Variants in CNBD1 observed in about 807,000 individuals in gnomAD.
CNBD1 encodes cyclic nucleotide binding domain containing 1.
A neutral mutation model predicts 54.4 loss-of-function variants in CNBD1; 71 were observed. The observed-to-expected ratio is 1.30, with a 90% CI of 1.08 to 1.59. The LOEUF (loss-of-function observed/expected upper bound fraction) is 1.59. CNBD1 is among the 40% of genes most tolerant of loss of function. CNBD1 has a pLI of 0.00. For missense variants in CNBD1, 659 were observed against 518.0 expected (o/e 1.27, Z -2.64); for synonymous variants, 182 against 170.7 (o/e 1.07, Z -0.51).
intron 10 of CNBD1, among the ~76,000 whole-genome samples, chr8:87,370,981 G>C (rs1218392979): frequency 1.3e-5 from 2 of 150,706 alleles, no homozygotes; most frequent in Non-Finnish European, 3.0e-5. Context: ...TTATTAAATA[G>C]GGAATCCTTT....
chr8:86,944,982 A>C (rs1807432445), intron 4 of CNBD1, among the ~76,000 whole-genome samples: 3 of 152,194 alleles, frequency 2.0e-5, no homozygotes, highest in African/African-American at 7.2e-5. Flanking sequence ...AATCAGGTTC[A>C]TTGCTCAGTT....
chr8:87,065,971 C>T (rs955058974), intron 4 of CNBD1, among the ~76,000 whole-genome samples: 3 of 151,866 alleles, frequency 2.0e-5, no homozygotes, highest in Non-Finnish European at 2.9e-5. Context: ...CAGAGAAGTA[C>T]GGATGATTAG....
At chr8:87,409,836 A>G (rs1454890821) in intron 2 of CNBD1, among the ~76,000 whole-genome samples, 1 of 152,058 alleles carries the variant, frequency 6.6e-6, no homozygotes, top group African/African-American at 2.4e-5. Flanking sequence ...CAGCCTGTGC[A>G]ACACAGTGAA....
chr8:87,159,867 A>G (rs1339937239), intron 4 of CNBD1, among the ~76,000 whole-genome samples: 4 of 152,012 alleles, frequency 2.6e-5, no homozygotes, highest in East Asian at 1.9e-4. Context: ...AACTAATGAT[A>G]TAGTAGCATT....
intron 10 of CNBD1, among the ~76,000 whole-genome samples, chr8:87,380,848 A>C (rs1003982511): frequency 6.6e-6 from 1 of 152,116 alleles, no homozygotes; most frequent in Non-Finnish European, 1.5e-5. Context: ...TCCACATTCA[A>C]GAATAAAATT....
chr8:87,380,972 C>T (rs1204769844), intron 10 of CNBD1, among the ~76,000 whole-genome samples: 1 of 151,996 alleles, frequency 6.6e-6, no homozygotes, highest in Non-Finnish European at 1.5e-5. Flanking sequence ...AATATTTTCA[C>T]ATTTGTCTTG....
intron 6 of CNBD1, among the ~76,000 whole-genome samples, chr8:87,266,561 C>T (rs1397478597): frequency 2.9e-5 from 4 of 140,032 alleles, no homozygotes; most frequent in Non-Finnish European, 3.0e-5. Flanking sequence ...AATGGATTCT[C>T]CTGCTTCAGC....
intron 2 of CNBD1, among the ~76,000 whole-genome samples, chr8:87,395,493 G>T (rs113547956): frequency 0.012 from 1,825 of 151,672 alleles, 40 homozygotes; most frequent in African/African-American, 0.039. Flanking sequence ...CTACAATAAA[G>T]GTTTTAAAAA....
intron 3 of CNBD1, among the ~76,000 whole-genome samples, chr8:86,926,794 T>C (rs4255154): frequency 0.93 from 141,774 of 152,244 alleles, 66,121 homozygotes; most frequent in East Asian, 1. Flanking sequence ...TCATTTCCCA[T>C]AAACTGTATG....
intron 4 of CNBD1, among the ~76,000 whole-genome samples, chr8:87,038,757 G>T (rs537069097): frequency 2.6e-5 from 4 of 152,146 alleles, no homozygotes; most frequent in Non-Finnish European, 4.4e-5. Context: ...AGTTAGCTTG[G>T]CCCAAGCCCT....
intron 8 of CNBD1, among the ~76,000 whole-genome samples, chr8:87,288,771 T>G (rs1307279862): frequency 3.3e-5 from 5 of 152,102 alleles, no homozygotes; most frequent in African/African-American, 4.8e-5. Context: ...AAAATAATAT[T>G]GTTTTCTCAC....
rs1257375484 is a variant in CNBD1, at chr8:87,418,043, T to A, written c.214-10503T>A. ...TCCTGCTCTCCGTTTTTGCAGAAAT[T>A]GATAAACTAATCTTAAAATCAATAT... On this transcript the variant is annotated intron_variant, in intron 2 of 7. Transcript: ENST00000521593. Among the ~76,000 whole-genome samples, 8 of 151,912 alleles carry A rather than the reference T, an allele frequency of 5.3e-5. No homozygotes were observed. In the Admixed American group the frequency reaches 5.3e-4, roughly 10 times the overall value.
intron 8 of CNBD1, among the ~76,000 whole-genome samples, chr8:87,325,787 C>G (rs1170304800): frequency 6.7e-6 from 1 of 149,348 alleles, no homozygotes; most frequent in Non-Finnish European, 1.5e-5. Context: ...TTAATTGGAG[C>G]ATTTAGTCCA....
intron 3 of CNBD1, among the ~76,000 whole-genome samples, chr8:86,912,397 A>G (rs1251736929): frequency 1.3e-5 from 2 of 152,060 alleles, no homozygotes; most frequent in Admixed American, 6.6e-5. Flanking sequence ...CATGCACTGC[A>G]TAACAACATT....
chr8:87,407,228 G>A (rs1006953316), intron 2 of CNBD1, among the ~76,000 whole-genome samples: 1 of 151,898 alleles, frequency 6.6e-6, no homozygotes, highest in Non-Finnish European at 1.5e-5. Context: ...TTATGAGTAG[G>A]TTTTACTTGT....
chr8:87,181,473 C>T (rs1480897716), intron 4 of CNBD1, among the ~76,000 whole-genome samples: 2 of 152,120 alleles, frequency 1.3e-5, no homozygotes, highest in African/African-American at 4.8e-5. Flanking sequence ...GTCAATAATT[C>T]TGTCCATTTC....
intron 4 of CNBD1, among the ~76,000 whole-genome samples, chr8:87,188,818 G>C (rs935801827): frequency 9.7e-6 from 1 of 103,348 alleles, no homozygotes; most frequent in East Asian, 2.2e-4. Context: ...ACAGTAAAGC[G>C]TCTTTTTTTT....
chr8:87,383,309 C>T (rs946570333), downstream of CNBD1, among the ~76,000 whole-genome samples: 1 of 151,994 alleles, frequency 6.6e-6, no homozygotes, highest in Admixed American at 6.6e-5. Flanking sequence ...TTCATCAGAC[C>T]CATGATCTTA....
chr8:86,948,671 GA>G (rs1807529895), intron 4 of CNBD1, among the ~76,000 whole-genome samples: 1 of 152,096 alleles, frequency 6.6e-6, no homozygotes, highest in Non-Finnish European at 1.5e-5. Flanking sequence ...TCCCTTGTCA[GA>G]GGGGTAGTTT....
Sources: gnomAD v4.1 joint callset for allele counts (sites outside exome capture counted in the v4.1 genomes callset) on GRCh38, gnomAD v4.1.1 for gene constraint, MANE v1.5 for transcripts, NCBI Gene and HGNC (gene_info 2026-07-23, HGNC 2026-07-21) for gene names.